Variants in ABRA observed in about 807,000 individuals in gnomAD.
The protein encoded by ABRA is actin binding Rho activating protein, also known as actin-binding Rho-activating protein.
In ABRA, 25 loss-of-function variants were observed where a neutral mutation model predicts 33.4. The observed-to-expected ratio is 0.75, with a 90% CI of 0.55 to 1.04. The LOEUF is 1.04. Among genes scored for constraint, ABRA ranks in the 50% least tolerant of loss-of-function variants. The pLI is 0.00. For missense variants in ABRA, 501 were observed against 491.7 expected, an observed-to-expected ratio of 1.02 and a Z score of -0.18; for synonymous variants, 193 against 176.8, an observed-to-expected ratio of 1.09 and a Z score of -0.73.
At chr8:106,764,765 G>A (rs1410353419) in intron 1 of ABRA, among the ~76,000 whole-genome samples, 1 of 152,058 alleles carries the variant, frequency 6.6e-6, no homozygotes, top group Non-Finnish European at 1.5e-5. Flanking sequence ...TCTAATTGGA[G>A]GGAAGAACAC....
rs549993047 is a variant in ABRA at position 106,768,302 on chromosome 8, T to C, written c.668+1221A>G. 1.1e-3 allele frequency among the ~76,000 whole-genome samples: 163 copies of C among 152,310 alleles called. 1 individual carries two copies. The highest frequency in any genetic ancestry group is 3.9e-3 in the African/African-American group (161 of 41,570). On this transcript the variant is annotated intron_variant, in intron 1 of 1. Coordinates refer to ENST00000311955, the MANE Select transcript of ABRA (RefSeq NM_139166.5). Reference sequence around the variant, plus strand: ...AATAAGAAATCCTGACTTTCTACCATGTGGAGTTACTGTCTTGAAATAAAG... The same window carrying C: ...AATAAGAAATCCTGACTTTCTACCACGTGGAGTTACTGTCTTGAAATAAAG...
Position 106,770,164 on chromosome 8 carries a change from C to T in ABRA, c.27G>A (p.Gly9=), listed in dbSNP as rs138488793. 1 of 1,611,488 alleles carries T rather than the reference C, an allele frequency of 6.2e-7. No individual in the cohort carries two copies. Among genetic ancestry groups the T allele is most frequent in the Non-Finnish European group, 8.5e-7 (1 of 1,179,598 alleles). The part of the protein sequence containing the change: MAPGEKES[G]EGPAKSALRK... ...GGAGGGCGCTCTTGGCTGGGCCCTC[C>T]CCGCTTTCCTTTTCGCCCGGAGCCA... Residue 9 remains glycine, a synonymous_variant, in exon 1 of 2, where the codon GGG becomes GGA. Coordinates refer to ENST00000311955, the MANE Select transcript of ABRA (RefSeq NM_139166.5).
At chr8:106,764,650 TA>T (rs1232159252) in intron 1 of ABRA, among the ~76,000 whole-genome samples, 1 of 151,778 alleles carries the variant, frequency 6.6e-6, no homozygotes, top group Admixed American at 6.6e-5. Flanking sequence ...GAGACTCTAT[TA>T]AAAACAAACA....
At chr8:106,764,066 C>T (rs1030812944) in intron 1 of ABRA, among the ~76,000 whole-genome samples, 1 of 152,150 alleles carries the variant, frequency 6.6e-6, no homozygotes, top group African/African-American at 2.4e-5. Flanking sequence ...AACATTTGCA[C>T]AATTGAAAGT....
rs1052113066 is a variant in ABRA at position 106,760,106 on chromosome 8, A to G, written c.*931T>C. The G allele has an allele frequency of 6.6e-6, 1 of 152,218 alleles. No homozygotes were observed. Among genetic ancestry groups the G allele is most frequent in the Non-Finnish European group, 1.5e-5 (1 of 68,040 alleles). 9.4% of individuals were successfully genotyped at this position (152,218 alleles called of 1,614,324 possible). On this transcript the variant is annotated 3_prime_UTR_variant, in exon 2 of 2. Transcript: ENST00000311955. Reference sequence around the variant, plus strand: ...TATTTCTCCATTGTTGGAGAAATACATATCATTGCATTGATGTTAATGCAA... The same window carrying G: ...TATTTCTCCATTGTTGGAGAAATACGTATCATTGCATTGATGTTAATGCAA...
At position 106,769,983 on chromosome 8, in the gene ABRA, T is replaced by C. The variant is rs753744299; in HGVS notation, c.208A>G (p.Thr70Ala). 7 of 1,613,278 alleles carry C rather than the reference T, an allele frequency of 4.3e-6. No homozygotes were observed. In the African/African-American group the frequency reaches 9.4e-5, roughly 22 times the overall value. The change falls in exon 1 of 2, where the codon ACT becomes GCT. Residue 70 changes from threonine to alanine, a missense_variant. Coordinates refer to ENST00000311955, the MANE Select transcript of ABRA (RefSeq NM_139166.5). ...GCACTCTGAGCTTTCTGGTGTGAAG[T>C]AGGGGGTGTGATTGGTTTAGGAGCT... ...PQAPKPITPP[T>A]SHQKAQSAPK...
chr8:106,767,663 G>A (rs903043542), intron 1 of ABRA, among the ~76,000 whole-genome samples: 6 of 152,282 alleles, frequency 3.9e-5, no homozygotes, highest in Non-Finnish European at 2.9e-5. Context: ...GAAGTGAAGC[G>A]ACAAAGCATT....
In ABRA at chr8:106,769,832, C is replaced by G; in HGVS notation, c.359G>C (p.Arg120Thr). The change falls in exon 1 of 2, where the codon AGA (arginine) becomes ACA (threonine). Residue 120 changes from arginine to threonine, a missense_variant. Transcript: ENST00000311955. ...GCTGAGGTGGCTCACGTCCCCTCCT[C>G]TCTCATAAGTCTTGCTGACCACCGT... is the stretch of plus-strand genomic sequence containing the variant. ...SKTVVSKTYERGGDVSHLSHR... is the reference protein window; with the variant it reads ...SKTVVSKTYETGGDVSHLSHR... 6.2e-7 allele frequency: 1 copy of G among 1,614,114 alleles called. No homozygotes were observed. The highest frequency in any genetic ancestry group is 8.5e-7 in the Non-Finnish European group (1 of 1,180,034).
At chr8:106,768,875 G>A (rs1350005856) in intron 1 of ABRA, among the ~76,000 whole-genome samples, 1 of 152,130 alleles carries the variant, frequency 6.6e-6, no homozygotes. Flanking sequence ...GGCCTCAAGT[G>A]ATCCGCCCTC....
At position 106,761,120 on chromosome 8, in the gene ABRA, T is replaced by C. The variant is rs372554852; in HGVS notation, c.1063A>G (p.Arg355Gly). The C allele has an allele frequency of 1.9e-6, 3 of 1,614,134 alleles. No individual in the cohort carries two copies. In the African/African-American group the frequency reaches 4.0e-5, roughly 22 times the overall value. ...TCAAAGTCTACCAGTCCATGTTTCC[T>C]GGCACGCATGAGAATGCCCACTACT... Reference protein sequence around the residue: ...DKVVGILMRARKHGLVDFEGE... With the variant: ...DKVVGILMRAGKHGLVDFEGE... The change falls in exon 2 of 2, where the codon AGG (arginine) becomes GGG (glycine). Residue 355 changes from arginine to glycine, a missense_variant. Arg to Gly is a moderately radical substitution (Grantham distance 125, BLOSUM62 -2). Transcript: ENST00000311955.
rs762718186 is a variant in ABRA at position 106,765,839 on chromosome 8, A to G, written c.668+3684T>C. On this transcript the variant is annotated intron_variant, in intron 1 of 1. Transcript: ENST00000311955. ...GATCCTTCAATACATTTGCACCAAA[A>G]CCCTGAACTTTGGGAGTCATTAGGA... is the stretch of plus-strand genomic sequence containing the variant. Among the ~76,000 whole-genome samples, 53 of 152,106 alleles carry G rather than the reference A, an allele frequency of 3.5e-4. 1 individual carries two copies. The highest frequency in any genetic ancestry group is 1.0e-4 in the Non-Finnish European group (7 of 68,020).
chr8:106,767,964 G>A (rs916812389), intron 1 of ABRA, among the ~76,000 whole-genome samples: 3 of 152,002 alleles, frequency 2.0e-5, no homozygotes, highest in Non-Finnish European at 2.9e-5. Context: ...GCGTGGTGGT[G>A]TGCACCTGTA....
At chr8:106,765,523 G>A (rs574418744) in intron 1 of ABRA, among the ~76,000 whole-genome samples, 24 of 152,304 alleles carry the variant, frequency 1.6e-4, no homozygotes, top group Admixed American at 1.4e-3. Flanking sequence ...TAGGAGAAAT[G>A]CTGCATTGGT....
chr8:106,765,283 C>A (rs1271818710), intron 1 of ABRA, among the ~76,000 whole-genome samples: 2 of 152,080 alleles, frequency 1.3e-5, no homozygotes, highest in African/African-American at 4.8e-5. Context: ...AACACTGGCA[C>A]TGAAAACATT....
intron 1 of ABRA, among the ~76,000 whole-genome samples, chr8:106,768,964 TA>T (rs1339921443): frequency 2.0e-5 from 3 of 152,222 alleles, no homozygotes; most frequent in African/African-American, 7.2e-5. Context: ...AATGACTAGT[TA>T]GGGGCAGAAC....
chr8:106,766,564 T>A (rs1053982859), intron 1 of ABRA, among the ~76,000 whole-genome samples: 2 of 152,208 alleles, frequency 1.3e-5, no homozygotes. Flanking sequence ...TGAAGTTTCC[T>A]GAGCACAGCT....
rs190901335 is a variant in ABRA, at chr8:106,765,621, A to G, written c.668+3902T>C. On this transcript the variant is annotated intron_variant, in intron 1 of 1. Coordinates refer to ENST00000311955, the MANE Select transcript of ABRA (RefSeq NM_139166.5). Reference sequence around the variant, plus strand: ...GGGCACATTTATCAGAAGCAGAGTGACAGCATTCAAAAGGCAATATGAACA... The same window carrying G: ...GGGCACATTTATCAGAAGCAGAGTGGCAGCATTCAAAAGGCAATATGAACA... Among the ~76,000 whole-genome samples the G allele has an allele frequency of 3.1e-4, 47 of 152,300 alleles. No homozygotes were observed. In the Middle Eastern group the frequency reaches 0.01, roughly 33 times the overall value.
rs1463176308 is a variant in ABRA at position 106,759,996 on chromosome 8, TA to T, written c.*1040del. The T allele has an allele frequency of 6.6e-6, 1 of 152,236 alleles. No individual in the cohort carries two copies. The highest frequency in any genetic ancestry group is 2.4e-5 in the African/African-American group (1 of 41,474). 9.4% of individuals were successfully genotyped at this position (152,236 alleles called of 1,614,324 possible). A position where few individuals can be genotyped will look rare whatever the true frequency, so the allele number is the denominator to read the frequency against. Reference sequence around the variant, plus strand: ...TTCTTTGTTACAGTATGAGGAACATTAAACTGTCTCAAATCTGTTTTTAATT... The same window carrying T: ...TTCTTTGTTACAGTATGAGGAACATTAACTGTCTCAAATCTGTTTTTAATT... On this transcript the variant is annotated 3_prime_UTR_variant, in exon 2 of 2. Transcript: ENST00000311955.
At chr8:106,762,840 C>G (rs1480380802) in intron 1 of ABRA, among the ~76,000 whole-genome samples, 1 of 152,188 alleles carries the variant, frequency 6.6e-6, no homozygotes, top group Non-Finnish European at 1.5e-5. Flanking sequence ...CCTGCCATTT[C>G]TCTGTCTCCA....
Sources: gnomAD v4.1 joint callset for allele counts (sites outside exome capture counted in the v4.1 genomes callset) on GRCh38, gnomAD v4.1.1 for gene constraint, MANE v1.5 for transcripts, NCBI Gene and HGNC (gene_info 2026-07-23, HGNC 2026-07-21) for gene names.